The following OSGIN2 variants were observed in gnomAD, a reference collection of about 807,000 sequenced individuals.
OSGIN2 encodes oxidative stress induced growth inhibitor family member 2.
Under a neutral mutation model 53.8 loss-of-function variants are expected in OSGIN2, and 19 were observed. That is an observed-to-expected ratio of 0.35 (90% CI 0.25 to 0.52). The LOEUF (loss-of-function observed/expected upper bound fraction) is 0.52, where lower values mean the gene tolerates loss of function less well. Ranked by LOEUF, OSGIN2 falls within the 20% of genes least tolerant of loss-of-function variation. The probability of loss-of-function intolerance (pLI) is 0.95; values close to 1 mark genes in which losing one functional copy is unlikely to be tolerated. For missense variants in OSGIN2, 520 were observed against 662.7 expected, an observed-to-expected ratio of 0.78 and a Z score of 2.36; for synonymous variants, 236 against 236.0, an observed-to-expected ratio of 1.00 and a Z score of 0.00.
At chr8:89,909,953 T>A (rs937550156) in intron 2 of OSGIN2, among the ~76,000 whole-genome samples, 3 of 152,230 alleles carry the variant, frequency 2.0e-5, no homozygotes, top group African/African-American at 7.2e-5. Flanking sequence ...TACATTATTT[T>A]AAAATATCTC....
At chr8:89,902,953 C>A in intron 1 of OSGIN2, 116 bp downstream of exon 1, 1 of 604,150 alleles carries the variant, frequency 1.7e-6, no homozygotes, top group Non-Finnish European at 2.4e-6. Context: ...CCGCAGCGTC[C>A]TCCCGCCTCG....
At chr8:89,921,584 T>C (rs1348947441) in intron 5 of OSGIN2, among the ~76,000 whole-genome samples, 2 of 152,212 alleles carry the variant, frequency 1.3e-5, no homozygotes, top group Admixed American at 1.3e-4. Flanking sequence ...AGTATAAAGA[T>C]TGTATATTTT....
chr8:89,923,550 T>G (rs1253782360), intron 5 of OSGIN2, among the ~76,000 whole-genome samples: 1 of 152,210 alleles, frequency 6.6e-6, no homozygotes, highest in Non-Finnish European at 1.5e-5. Context: ...ACTTTCAGTA[T>G]AGAATTCAAT....
chr8:89,906,754 T>C (rs1808847380), intron 1 of OSGIN2, among the ~76,000 whole-genome samples: 1 of 152,214 alleles, frequency 6.6e-6, no homozygotes, highest in Admixed American at 6.5e-5. Flanking sequence ...CGTGCATTTG[T>C]CTGTATAATA....
chr8:89,914,514 G>A, intron 3 of OSGIN2, 41 bp from the exon 4 acceptor site: 1 of 1,491,736 alleles, frequency 6.7e-7, no homozygotes, highest in Non-Finnish European at 9.3e-7. Context: ...TCTGGGAAAT[G>A]CTGGCTTTTT....
intron 1 of OSGIN2, among the ~76,000 whole-genome samples, chr8:89,904,279 T>C (rs1029556731): frequency 1.3e-5 from 2 of 152,232 alleles, no homozygotes. Flanking sequence ...TCAGAAAATA[T>C]TGTGTGAAAG....
chr8:89,923,636 T>TG (rs1389119560), intron 5 of OSGIN2, among the ~76,000 whole-genome samples: 2 of 152,228 alleles, frequency 1.3e-5, no homozygotes, highest in Non-Finnish European at 2.9e-5. Context: ...TGTAGGCTAG[T>TG]GTAAGTGCTC....
rs1011572098 is a variant in OSGIN2 at position 89,924,657 on chromosome 8, G to A, written c.775G>A (p.Asp259Asn). ...AGATCAAGATGATGATGATATTCAA[G>A]ACAGAGATATTTCAACAAAGCATTT... The part of the protein sequence containing the change: ...YRDQDDDDIQ[D>N]RDISTKHLQI... Residue 259 changes from aspartate (D) to asparagine (N), a missense_variant, in exon 6 of 6, where the codon GAC (aspartate) becomes AAC (asparagine). Physicochemically the swap from Asp to Asn is conservative, Grantham distance 23. Around this residue, in one of 3 missense-constraint regions of OSGIN2, gnomAD observed 78 missense variants for 59.1 expected, o/e 1.32. Transcript: ENST00000451899. 6.2e-7 allele frequency: 1 copy of A among 1,614,088 alleles called. No individual in the cohort carries two copies. The highest frequency in any genetic ancestry group is 8.5e-7 in the Non-Finnish European group (1 of 1,179,958).
At position 89,902,758 on chromosome 8, in the gene OSGIN2, G is replaced by T; in HGVS notation, c.-36G>T. On this transcript the variant is annotated 5_prime_UTR_variant, in exon 1 of 6. Coordinates refer to ENST00000451899, the MANE Select transcript of OSGIN2 (RefSeq NM_001126111.3). ...CGCCGGGGGAGGCGGAGGCGGCCAC[G>T]GCGGCCGCGCTCGGGCGCCCCTCGC... The T allele has an allele frequency of 1.7e-6, 2 of 1,203,210 alleles. No homozygotes were observed. The highest frequency in any genetic ancestry group is 2.1e-6 in the Non-Finnish European group (2 of 960,622). The allele number at this position is 1,203,210 out of a possible 1,614,324, so 74.5% of individuals were successfully genotyped here. A position where few individuals can be genotyped will look rare whatever the true frequency, so the allele number is the denominator to read the frequency against.
At chr8:89,909,756 T>C (rs368552909) in intron 2 of OSGIN2, 35 bp downstream of exon 2, 1 of 1,309,682 alleles carries the variant, frequency 7.6e-7, no homozygotes, top group Non-Finnish European at 1.1e-6. Flanking sequence ...AAAATTATAG[T>C]TAATGACCCT....
chr8:89,914,462 T>G (rs1445625005), intron 3 of OSGIN2, 93 bp from the exon 4 acceptor site: 1 of 963,306 alleles, frequency 1.0e-6, no homozygotes, highest in African/African-American at 1.6e-5. Flanking sequence ...GGGGTACTGC[T>G]TTTTATCATT....
At chr8:89,911,706 G>A (rs1310730424) in intron 2 of OSGIN2, among the ~76,000 whole-genome samples, 3 of 150,878 alleles carry the variant, frequency 2.0e-5, no homozygotes, top group African/African-American at 4.9e-5. Flanking sequence ...AGGCTGAGGC[G>A]GGCATATAAC....
At chr8:89,908,694 C>T (rs1808889398) in intron 1 of OSGIN2, among the ~76,000 whole-genome samples, 1 of 151,932 alleles carries the variant, frequency 6.6e-6, no homozygotes, top group South Asian at 2.1e-4. Context: ...TACCTGTGTG[C>T]AGGAGATACT....
chr8:89,908,115 T>G (rs1265522765), intron 1 of OSGIN2, among the ~76,000 whole-genome samples: 1 of 152,130 alleles, frequency 6.6e-6, no homozygotes, highest in Non-Finnish European at 1.5e-5. Flanking sequence ...TTAAATGCAG[T>G]TGCCAAGAGG....
intron 3 of OSGIN2, 86 bp downstream of exon 3, chr8:89,914,299 A>T: frequency 1.1e-6 from 1 of 944,718 alleles, no homozygotes; most frequent in Non-Finnish European, 1.6e-6. Context: ...CTTAGTTGAA[A>T]CCCCTTATTC....
chr8:89,923,756 C>A (rs1809254735), intron 5 of OSGIN2, among the ~76,000 whole-genome samples: 1 of 152,170 alleles, frequency 6.6e-6, no homozygotes, highest in Non-Finnish European at 1.5e-5. Context: ...TCTATCAGGA[C>A]AAACCCTACT....
At chr8:89,922,287 ACAT>A (rs1445192347) in intron 5 of OSGIN2, among the ~76,000 whole-genome samples, 7 of 152,214 alleles carry the variant, frequency 4.6e-5, no homozygotes, top group African/African-American at 1.2e-4. Context: ...GAGCAAATTT[ACAT>A]CATCATGGGT....
rs141337722 is a variant in OSGIN2 at position 89,914,528 on chromosome 8, A to G, written c.337-27A>G. 2.2e-5 allele frequency: 35 copies of G among 1,582,816 alleles called. No individual in the cohort carries two copies. The African/African-American group carries it at 3.5e-4, about 16-fold the overall frequency. ...ATCTGGGAAATGCTGGCTTTTTTCA[A>G]ACTCTGTCTCCCTTTTGTTCATTCA... On this transcript the variant is annotated intron_variant, in intron 3 of 5. Transcript: ENST00000451899.
At chr8:89,902,047 T>C, upstream of OSGIN2, 1 of 152,254 alleles carries the variant, frequency 6.6e-6, no homozygotes, top group East Asian at 1.9e-4. Flanking sequence ...TCCAGGTAAC[T>C]GTGATGCGGG....
Sources: allele counts gnomAD v4.1 joint callset (sites outside exome capture counted in the v4.1 genomes callset), GRCh38; gene constraint gnomAD v4.1.1; regional missense constraint gnomAD v4.1.1; transcripts MANE v1.5; gene names NCBI Gene and HGNC (gene_info 2026-07-23, HGNC 2026-07-21).